The following ZFHX3 variants were observed in gnomAD, a reference collection of about 807,000 sequenced individuals.
ZFHX3 encodes zinc finger homeobox protein 3.
ZFHX3 carries 42 observed loss-of-function variants against 279.1 expected under a neutral mutation model. The ratio of observed to expected loss-of-function variants is 0.15; its 90% CI spans 0.12 to 0.19. The LOEUF is 0.19. Among genes scored for constraint, ZFHX3 ranks in the 10% least tolerant of loss-of-function variants. The pLI is 1.00. For synonymous variants in ZFHX3, 2,293 were observed against 1,957.8 expected, an observed-to-expected ratio of 1.17 and a Z score of -4.52; for missense variants, 4,981 against 4,754.0, an observed-to-expected ratio of 1.05 and a Z score of -1.40.
intron 5 of ZFHX3, among the ~76,000 whole-genome samples, chr16:73,219,616 A>G (rs1244336860): frequency 6.6e-6 from 1 of 152,162 alleles, no homozygotes; most frequent in African/African-American, 2.4e-5. Flanking sequence ...TATTTTGACA[A>G]ATGGTTCTCT....
chr16:73,882,146 G>C (rs1036038355), intron 1 of ZFHX3, among the ~76,000 whole-genome samples: 1 of 152,098 alleles, frequency 6.6e-6, no homozygotes, highest in African/African-American at 2.4e-5. Context: ...CCCCCAAACT[G>C]ATCAATAATG....
chr16:72,898,616 G>C (rs916429290), intron 3 of ZFHX3, among the ~76,000 whole-genome samples: 14 of 152,090 alleles, frequency 9.2e-5, no homozygotes, highest in African/African-American at 3.4e-4. Context: ...ACGCCTCCAT[G>C]TAAACAGATT....
chr16:73,018,668 G>T (rs1365808998), intron 1 of ZFHX3, among the ~76,000 whole-genome samples: 1 of 152,018 alleles, frequency 6.6e-6, no homozygotes, highest in Non-Finnish European at 1.5e-5. Context: ...CATTTTGTGG[G>T]GATTCACCCC....
chr16:73,885,459 G>T (rs2030315076), intron 1 of ZFHX3, among the ~76,000 whole-genome samples: 1 of 152,132 alleles, frequency 6.6e-6, no homozygotes, highest in Non-Finnish European at 1.5e-5. Flanking sequence ...TCTATTAGAA[G>T]TATCAAAATG....
intron 8 of ZFHX3, among the ~76,000 whole-genome samples, chr16:73,087,764 A>G (rs1220994231): frequency 1.3e-5 from 2 of 152,152 alleles, no homozygotes; most frequent in African/African-American, 4.8e-5. Flanking sequence ...TTCAAGGATC[A>G]GGAAATGTCT....
In ZFHX3 at chr16:72,980,747, T is replaced by G. The variant is rs945023754; in HGVS notation, c.-49-20553A>C. 3.9e-5 allele frequency among the ~76,000 whole-genome samples: 6 copies of G among 152,252 alleles called. No individual in the cohort carries two copies. In the East Asian group the frequency reaches 1.2e-3, roughly 29 times the overall value. On this transcript the variant is annotated intron_variant, in intron 1 of 9. Transcript: ENST00000268489. ...CTAGCTTGGGCCACAGAGTGAGACC[T>G]TGTCTCAAAAAAAGTCAGTTTTGTT...
intron 2 of ZFHX3, among the ~76,000 whole-genome samples, chr16:73,527,923 A>T (rs2019722793): frequency 6.6e-6 from 1 of 151,868 alleles, no homozygotes; most frequent in Non-Finnish European, 1.5e-5. Flanking sequence ...ATAAATCCAA[A>T]CTCCTGACCC....
chr16:73,258,186 T>C (rs1340297119), intron 4 of ZFHX3, among the ~76,000 whole-genome samples: 1 of 152,144 alleles, frequency 6.6e-6, no homozygotes, highest in African/African-American at 2.4e-5. Flanking sequence ...ACAAGCATTC[T>C]TATTTCTATT....
chr16:73,660,236 C>A (rs965425915), intron 2 of ZFHX3, among the ~76,000 whole-genome samples: 2 of 152,176 alleles, frequency 1.3e-5, no homozygotes, highest in Non-Finnish European at 2.9e-5. Flanking sequence ...TTTTAAGGAT[C>A]ACAGTCAAAC....
intron 2 of ZFHX3, among the ~76,000 whole-genome samples, chr16:73,464,599 G>T (rs181242636): frequency 1.4e-5 from 2 of 146,332 alleles, no homozygotes; most frequent in Admixed American, 6.7e-5. Flanking sequence ...AATAAGGGGC[G>T]GGGGGGAGAG....
At chr16:73,177,935 G>A (rs942200132) in intron 5 of ZFHX3, among the ~76,000 whole-genome samples, 3 of 152,108 alleles carry the variant, frequency 2.0e-5, no homozygotes, top group Non-Finnish European at 4.4e-5. Flanking sequence ...GGGCTGCTAT[G>A]ACAGTCAGCC....
chr16:73,022,229 G>T (rs1374453224), intron 1 of ZFHX3, among the ~76,000 whole-genome samples: 1 of 152,124 alleles, frequency 6.6e-6, no homozygotes, highest in Non-Finnish European at 1.5e-5. Context: ...GCACACATGG[G>T]ACTCTCAAAC....
intron 3 of ZFHX3, among the ~76,000 whole-genome samples, chr16:73,437,499 T>C (rs1424777398): frequency 6.6e-6 from 1 of 152,182 alleles, no homozygotes; most frequent in Non-Finnish European, 1.5e-5. Context: ...TTATTTTAAA[T>C]ATTTTCAATG....
At chr16:73,071,999 G>A (rs1460049592) in intron 8 of ZFHX3, among the ~76,000 whole-genome samples, 1 of 152,182 alleles carries the variant, frequency 6.6e-6, no homozygotes, top group Non-Finnish European at 1.5e-5. Context: ...TTGGAAGTGG[G>A]ACATGGAAGA....
chr16:73,793,442 T>C (rs544115477), intron 1 of ZFHX3, among the ~76,000 whole-genome samples: 1 of 152,240 alleles, frequency 6.6e-6, no homozygotes, highest in Non-Finnish European at 1.5e-5. Context: ...CAGGCTTCAA[T>C]GTCAGCATCT....
At chr16:73,683,427 T>C (rs533129127) in intron 1 of ZFHX3, among the ~76,000 whole-genome samples, 2 of 152,224 alleles carry the variant, frequency 1.3e-5, no homozygotes, top group Non-Finnish European at 2.9e-5. Context: ...ATAAACATTG[T>C]ATTTTAAGTG....
chr16:73,607,880 G>C (rs549820539), intron 2 of ZFHX3, among the ~76,000 whole-genome samples: 1 of 152,178 alleles, frequency 6.6e-6, no homozygotes, highest in African/African-American at 2.4e-5. Context: ...GACCAGCCTA[G>C]GCAACATGGC....
Position 72,788,347 on chromosome 16 carries a change from TAAGG to T in ZFHX3, c.9925_9928del (p.Pro3309ThrfsTer43). Reference sequence around the variant, plus strand: ...ATAAGGAGAAAAGCCTGGTACAAAGTAAGGAAGGAACTGGCTTGTGAGCAATGCT... The same window carrying T: ...ATAAGGAGAAAAGCCTGGTACAAAGTAAGGAACTGGCTTGTGAGCAATGCT... On this transcript the variant is annotated frameshift_variant, in exon 10 of 10. Coordinates refer to ENST00000268489, the MANE Select transcript of ZFHX3 (RefSeq NM_006885.4). LOFTEE classifies it high-confidence loss of function. 6.2e-7 allele frequency: 1 copy of T among 1,614,094 alleles called. No individual in the cohort carries two copies. Among genetic ancestry groups the T allele is most frequent in the Non-Finnish European group, 8.5e-7 (1 of 1,180,002 alleles).
chr16:73,462,819 A>G (rs2018495229), intron 2 of ZFHX3, among the ~76,000 whole-genome samples: 1 of 152,102 alleles, frequency 6.6e-6, no homozygotes, highest in South Asian at 2.1e-4. Context: ...CTATTTGCGA[A>G]CACTTTGTTA....
Sources: gnomAD v4.1 joint callset for allele counts (sites outside exome capture counted in the v4.1 genomes callset) on GRCh38, gnomAD v4.1.1 for gene constraint, MANE v1.5 for transcripts, NCBI Gene and HGNC (gene_info 2026-07-23, HGNC 2026-07-21) for gene names.